Variants in KSR2 observed in about 807,000 individuals in gnomAD.
KSR2 encodes the protein kinase suppressor of ras 2.
A neutral mutation model predicts 107.8 loss-of-function variants in KSR2; 25 were observed. The ratio of observed to expected loss-of-function variants is 0.23; its 90% CI spans 0.17 to 0.32. The LOEUF (loss-of-function observed/expected upper bound fraction) is 0.32. Ranked by LOEUF, KSR2 falls within the 10% of genes least tolerant of loss-of-function variation. The pLI is 1.00. For missense variants in KSR2, 887 were observed against 1,268.9 expected, an observed-to-expected ratio of 0.70 and a Z score of 4.57; for synonymous variants, 480 against 507.0, an observed-to-expected ratio of 0.95 and a Z score of 0.71.
chr12:117,711,375 A>C (rs1886772077), intron 4 of KSR2, among the ~76,000 whole-genome samples: 1 of 152,224 alleles, frequency 6.6e-6, no homozygotes, highest in Non-Finnish European at 1.5e-5. Flanking sequence ...AAAGGCCCTG[A>C]GGCAGGAAGC....
chr12:117,789,950 G>GT (rs1890199995), intron 3 of KSR2, among the ~76,000 whole-genome samples: 1 of 152,150 alleles, frequency 6.6e-6, no homozygotes, highest in South Asian at 2.1e-4. Flanking sequence ...AGGAGATGAC[G>GT]TTTTTGCTAA....
intron 3 of KSR2, among the ~76,000 whole-genome samples, chr12:117,813,350 C>T (rs1308245704): frequency 6.6e-6 from 1 of 152,124 alleles, no homozygotes; most frequent in Non-Finnish European, 1.5e-5. Flanking sequence ...AAAGAGACAA[C>T]CTACGGAATG....
At chr12:117,822,103 C>T (rs747439771) in intron 3 of KSR2, among the ~76,000 whole-genome samples, 2 of 152,180 alleles carry the variant, frequency 1.3e-5, no homozygotes, top group Non-Finnish European at 2.9e-5. Flanking sequence ...TCACAGTTTA[C>T]AAATGCCATG....
At chr12:117,796,664 G>A (rs1226395622) in intron 3 of KSR2, among the ~76,000 whole-genome samples, 2 of 152,178 alleles carry the variant, frequency 1.3e-5, no homozygotes, top group South Asian at 2.1e-4. Flanking sequence ...TGAAATGAAT[G>A]TGGAGTTTCC....
At chr12:117,569,680 G>C (rs1878751324) in intron 7 of KSR2, among the ~76,000 whole-genome samples, 1 of 152,170 alleles carries the variant, frequency 6.6e-6, no homozygotes, top group African/African-American at 2.4e-5. Context: ...CTAGGCACTT[G>C]GGAATCTCAG....
rs377684067 is a variant in KSR2 at position 117,471,220 on chromosome 12, T to C, written c.2683A>G (p.Ser895Gly). ...QMGTGMKPNL[S>G]QIGMGKEISD... Reference sequence around the variant, plus strand: ...ATTTCTTTTCCCATGCCAATCTGGCTGAGGTTGGGTTTCATGCCTGTGCCC... The same window carrying C: ...ATTTCTTTTCCCATGCCAATCTGGCCGAGGTTGGGTTTCATGCCTGTGCCC... The change falls in exon 18 of 20, where the codon AGC becomes GGC. Residue 895 changes from serine (S) to glycine (G), a missense_variant. Transcript: ENST00000339824. 8.7e-6 allele frequency: 14 copies of C among 1,613,876 alleles called. No individual in the cohort carries two copies. Among genetic ancestry groups the C allele is most frequent in the Admixed American group, 6.7e-5 (4 of 60,008 alleles).
intron 10 of KSR2, among the ~76,000 whole-genome samples, chr12:117,537,916 G>A (rs575683850): frequency 5.3e-5 from 8 of 152,308 alleles, no homozygotes; most frequent in African/African-American, 1.9e-4. Flanking sequence ...GATGAAAAGA[G>A]CTGTGGTCCT....
chr12:117,488,352 C>T (rs1230247771), intron 14 of KSR2, among the ~76,000 whole-genome samples: 1 of 152,214 alleles, frequency 6.6e-6, no homozygotes, highest in Non-Finnish European at 1.5e-5. Flanking sequence ...TACACATGCA[C>T]TAGAATGTTA....
intron 3 of KSR2, among the ~76,000 whole-genome samples, chr12:117,837,913 G>T (rs1193461686): frequency 6.6e-6 from 1 of 152,182 alleles, no homozygotes; most frequent in Non-Finnish European, 1.5e-5. Flanking sequence ...AAGGTTTCCT[G>T]TTTGAAGAGT....
chr12:117,806,222 C>T (rs191365902), intron 3 of KSR2, among the ~76,000 whole-genome samples: 23 of 152,234 alleles, frequency 1.5e-4, no homozygotes, highest in African/African-American at 3.4e-4. Context: ...TGCCCTGGCC[C>T]GGGGCTTTGC....
At chr12:117,521,241 C>G (rs915598143) in intron 14 of KSR2, among the ~76,000 whole-genome samples, 4 of 152,212 alleles carry the variant, frequency 2.6e-5, no homozygotes, top group African/African-American at 4.8e-5. Context: ...CTTTGAGAAG[C>G]ACTGTTCCCA....
At chr12:117,785,565 T>C (rs1012931578) in intron 3 of KSR2, among the ~76,000 whole-genome samples, 2 of 151,136 alleles carry the variant, frequency 1.3e-5, no homozygotes, top group Non-Finnish European at 2.9e-5. Flanking sequence ...AATGAAAAGA[T>C]AGCAATTTTC....
intron 1 of KSR2, among the ~76,000 whole-genome samples, chr12:117,939,018 A>G (rs1195456008): frequency 6.6e-6 from 1 of 152,164 alleles, no homozygotes; most frequent in Non-Finnish European, 1.5e-5. Flanking sequence ...GAAAGTAAAT[A>G]GACTTGTTTT....
At chr12:117,566,600 A>G (rs1878511052) in intron 7 of KSR2, among the ~76,000 whole-genome samples, 1 of 152,164 alleles carries the variant, frequency 6.6e-6, no homozygotes, top group African/African-American at 2.4e-5. Context: ...TATTCCATGT[A>G]TACCCATTTT....
At chr12:117,520,163 T>G (rs1874656575) in intron 14 of KSR2, among the ~76,000 whole-genome samples, 1 of 152,196 alleles carries the variant, frequency 6.6e-6, no homozygotes, top group Non-Finnish European at 1.5e-5. Flanking sequence ...TAGATATACA[T>G]TTGCTTAGTC....
intron 14 of KSR2, among the ~76,000 whole-genome samples, chr12:117,514,763 G>A (rs188849398): frequency 7.9e-5 from 12 of 152,128 alleles, no homozygotes; most frequent in African/African-American, 2.9e-4. Context: ...GCCCAGGCTG[G>A]TCTTGAACTC....
intron 9 of KSR2, among the ~76,000 whole-genome samples, chr12:117,553,861 C>A (rs1450737082): frequency 1.4e-5 from 2 of 140,678 alleles, no homozygotes; most frequent in African/African-American, 6.2e-5. Context: ...CTCTCTCTCT[C>A]CCTCTCTCAT....
intron 5 of KSR2, among the ~76,000 whole-genome samples, chr12:117,584,822 A>C (rs1358394190): frequency 6.6e-6 from 1 of 152,222 alleles, no homozygotes; most frequent in Non-Finnish European, 1.5e-5. Flanking sequence ...CTGTGTGGTC[A>C]GGCTATCATT....
At chr12:117,786,682 G>C (rs145583454) in intron 3 of KSR2, among the ~76,000 whole-genome samples, 1 of 152,114 alleles carries the variant, frequency 6.6e-6, no homozygotes, top group Admixed American at 6.6e-5. Flanking sequence ...TGGGCGTGGT[G>C]GTGGGTGCCT....
Sources: gnomAD v4.1 joint callset for allele counts (sites outside exome capture counted in the v4.1 genomes callset) on GRCh38, gnomAD v4.1.1 for gene constraint, MANE v1.5 for transcripts, NCBI Gene and HGNC (gene_info 2026-07-23, HGNC 2026-07-21) for gene names.